ZBTB16: variants seen among roughly 807,000 people sequenced by gnomAD.
The protein encoded by ZBTB16 is zinc finger and BTB domain containing 16.
A neutral mutation model predicts 56.8 loss-of-function variants in ZBTB16; 8 were observed. The observed-to-expected ratio is 0.14, with a 90% CI of 0.08 to 0.25. The LOEUF is 0.25. Ranked by LOEUF, ZBTB16 falls within the 10% of genes least tolerant of loss-of-function variation. The probability of loss-of-function intolerance (pLI) is 1.00; values close to 1 mark genes in which losing one functional copy is unlikely to be tolerated. For missense variants in ZBTB16, 625 were observed against 903.0 expected (o/e 0.69, Z 3.95); for synonymous variants, 363 against 368.5 (o/e 0.98, Z 0.17).
Position 114,251,676 on chromosome 11 carries a change from A to G in ZBTB16, c.*1121A>G, listed in dbSNP as rs903648215. The stretch of plus-strand genomic sequence containing the variant: ...GACCCCAGATGTAGTGAGCTCAGCA[A>G]GAAAAGCCAGGTCCAGAGAGAGTCG... On this transcript the variant is annotated 3_prime_UTR_variant, in exon 7 of 7. Coordinates refer to ENST00000335953, the MANE Select transcript of ZBTB16 (RefSeq NM_006006.6). Among the ~76,000 whole-genome samples, 6 of 152,324 alleles carry G rather than the reference A, an allele frequency of 3.9e-5. No homozygotes were observed. Among genetic ancestry groups the G allele is most frequent in the Non-Finnish European group, 7.3e-5 (5 of 68,028 alleles).
At chr11:114,241,340 G>C (rs985410091) in intron 4 of ZBTB16, among the ~76,000 whole-genome samples, 1 of 152,090 alleles carries the variant, frequency 6.6e-6, no homozygotes, top group Non-Finnish European at 1.5e-5. Flanking sequence ...TCTATGGCAG[G>C]AGTCCCCAAC....
chr11:114,193,718 G>A (rs1943549545), intron 4 of ZBTB16, among the ~76,000 whole-genome samples: 1 of 152,206 alleles, frequency 6.6e-6, no homozygotes, highest in East Asian at 1.9e-4. Context: ...GAAAAGCCAG[G>A]TGGGAGACCA....
rs906324444 is a variant in ZBTB16 at position 114,253,715 on chromosome 11, A to G, written c.*3160A>G. On this transcript the variant is annotated 3_prime_UTR_variant, in exon 7 of 7. Coordinates refer to ENST00000335953, the MANE Select transcript of ZBTB16 (RefSeq NM_006006.6). ...TGAAGACACCTGAATAGAGTCTAAC[A>G]TGCCTCTTCTCCAACTTCCTACCTA... Among the ~76,000 whole-genome samples the G allele has an allele frequency of 1.3e-5, 2 of 152,228 alleles. No individual in the cohort carries two copies. The highest frequency in any genetic ancestry group is 4.8e-5 in the African/African-American group (2 of 41,454).
intron 3 of ZBTB16, among the ~76,000 whole-genome samples, chr11:114,166,030 A>G (rs2134991527): frequency 6.6e-6 from 1 of 152,260 alleles, no homozygotes. Flanking sequence ...CCAGGTAGGC[A>G]GCCACTCTTG....
intron 2 of ZBTB16, among the ~76,000 whole-genome samples, chr11:114,141,473 C>T (rs889066591): frequency 6.6e-6 from 1 of 152,226 alleles, no homozygotes; most frequent in African/African-American, 2.4e-5. Flanking sequence ...GGGACAGGGG[C>T]CTTTCTCTTC....
intron 4 of ZBTB16, among the ~76,000 whole-genome samples, chr11:114,191,674 T>G (rs1408068727): frequency 3.3e-5 from 5 of 152,216 alleles, no homozygotes; most frequent in Non-Finnish European, 1.5e-5. Flanking sequence ...GCAGGGCTCT[T>G]TTGGCTCGCT....
chr11:114,158,660 G>T (rs1410127670), intron 3 of ZBTB16, among the ~76,000 whole-genome samples: 1 of 152,142 alleles, frequency 6.6e-6, no homozygotes, highest in Non-Finnish European at 1.5e-5. Flanking sequence ...GATGTGATCT[G>T]GGGCAAGAAC....
intron 2 of ZBTB16, among the ~76,000 whole-genome samples, chr11:114,148,441 C>CTT (rs1942188014): frequency 2.0e-5 from 1 of 49,796 alleles, no homozygotes; most frequent in African/African-American, 5.6e-5. Context: ...CTCTCTTTCT[C>CTT]TCTCTCTGTC....
chr11:114,207,730 C>T (rs1943915185), intron 4 of ZBTB16, among the ~76,000 whole-genome samples: 1 of 152,180 alleles, frequency 6.6e-6, no homozygotes, highest in African/African-American at 2.4e-5. Flanking sequence ...TCTCCTGCCT[C>T]GGCCTCCTGA....
rs773801156 is a variant in ZBTB16, at chr11:114,210,192, T to TGTGTGTGTGTGTGC, written c.1453+23155_1453+23156insTGTGTGTGTGTGCG. Among the ~76,000 whole-genome samples, 161 of 143,340 alleles carry TGTGTGTGTGTGTGC rather than the reference T, an allele frequency of 1.1e-3. 1 individual carries two copies. The highest frequency in any genetic ancestry group is 3.6e-3 in the Middle Eastern group (1 of 278). The allele number at this position is 143,340 out of a possible 152,430, so 94.0% of individuals were successfully genotyped here. On this transcript the variant is annotated intron_variant, in intron 4 of 6. Coordinates refer to ENST00000335953, the MANE Select transcript of ZBTB16 (RefSeq NM_006006.6). ...GTGTGTGTGTGTGTGTGTGTGTGTG[T>TGTGTGTGTGTGTGC]GCGTGCGCGCGCGTGCACAGTTTGT...
chr11:114,087,437 A>G (rs1436778793), intron 2 of ZBTB16, among the ~76,000 whole-genome samples: 2 of 152,076 alleles, frequency 1.3e-5, no homozygotes, highest in Non-Finnish European at 2.9e-5. Flanking sequence ...AGCTAGTTCA[A>G]CACCTTCCTC....
At chr11:114,085,649 G>A (rs1003680269) in intron 2 of ZBTB16, among the ~76,000 whole-genome samples, 4 of 152,116 alleles carry the variant, frequency 2.6e-5, no homozygotes, top group Non-Finnish European at 5.9e-5. Context: ...ATTTGGCCAG[G>A]TTTTAGAGAA....
At chr11:114,242,413 T>C in intron 5 of ZBTB16, 76 bp downstream of exon 5, 7 of 1,570,004 alleles carry the variant, frequency 4.5e-6, no homozygotes, top group Non-Finnish European at 6.0e-6. Flanking sequence ...GGACGTAAAG[T>C]GGAGGTGGTG....
chr11:114,078,388 A>G (rs555603474), intron 2 of ZBTB16, among the ~76,000 whole-genome samples: 70 of 152,342 alleles, frequency 4.6e-4, no homozygotes, highest in African/African-American at 1.6e-3. Flanking sequence ...GAAATCTTAA[A>G]TGAGTGGACT....
chr11:114,135,000 G>A (rs1045449259), intron 2 of ZBTB16, among the ~76,000 whole-genome samples: 1 of 152,296 alleles, frequency 6.6e-6, no homozygotes. Flanking sequence ...CCAGAGTTGC[G>A]CCAGATCCCA....
intron 3 of ZBTB16, among the ~76,000 whole-genome samples, chr11:114,172,152 C>T (rs1280992979): frequency 3.3e-5 from 5 of 152,230 alleles, no homozygotes; most frequent in Non-Finnish European, 7.3e-5. Flanking sequence ...ACTCCGAGTC[C>T]ATAGGAGTTC....
In ZBTB16 at chr11:114,086,902, C is replaced by T. The variant is rs754992837; in HGVS notation, c.1268+22334C>T. On this transcript the variant is annotated intron_variant, in intron 2 of 6. Transcript: ENST00000335953. ...ATGGCAAAAACTGCAATTACTTTTG[C>T]GCCAACTAATACTTTCCCAGACTCC... Among the ~76,000 whole-genome samples, 22 of 152,262 alleles carry T rather than the reference C, an allele frequency of 1.4e-4. No homozygotes were observed. The South Asian group carries it at 1.7e-3, about 11-fold the overall frequency.
rs140105293 is a variant in ZBTB16 at position 114,159,937 on chromosome 11, C to CGGGGGG, written c.1366+3505_1366+3510dup. On this transcript the variant is annotated intron_variant, in intron 3 of 6. Transcript: ENST00000335953. Reference sequence around the variant, plus strand: ...GCTCCAGAACCCTGGGCGGGGGAGGCGGGGGGGAGGCGAGCATTTTTTTTC... The same window carrying CGGGGGG: ...GCTCCAGAACCCTGGGCGGGGGAGGCGGGGGGGGGGGGGAGGCGAGCATTTTTTTTC... Among the ~76,000 whole-genome samples the CGGGGGG allele has an allele frequency of 1.7e-3, 158 of 93,328 alleles. 2 individuals are homozygous for CGGGGGG. The highest frequency in any genetic ancestry group is 5.3e-3 in the Middle Eastern group (1 of 188). 61.2% of individuals were successfully genotyped at this position (93,328 alleles called of 152,430 possible).
intron 2 of ZBTB16, among the ~76,000 whole-genome samples, chr11:114,128,633 G>T (rs2137820877): frequency 6.6e-6 from 1 of 152,310 alleles, no homozygotes; most frequent in South Asian, 2.1e-4. Context: ...ATGAGGGTTA[G>T]CTGTGCTTGT....
Sources: allele counts gnomAD v4.1 joint callset (sites outside exome capture counted in the v4.1 genomes callset), GRCh38; gene constraint gnomAD v4.1.1; transcripts MANE v1.5; gene names NCBI Gene and HGNC (gene_info 2026-07-23, HGNC 2026-07-21).